Variants in KCNIP1 observed in about 807,000 individuals in gnomAD.
KCNIP1 encodes the protein potassium voltage-gated channel interacting protein 1, also known as A-type potassium channel modulatory protein KCNIP1.
KCNIP1 carries 18 observed loss-of-function variants against 33.0 expected under a neutral mutation model. The observed-to-expected ratio is 0.55, with a 90% confidence interval of 0.38 to 0.81. The LOEUF (loss-of-function observed/expected upper bound fraction) is 0.81. KCNIP1 is among the 30% of genes least tolerant of loss of function. KCNIP1 has a pLI of 0.00. For synonymous variants in KCNIP1, 93 were observed against 98.3 expected (o/e 0.95, Z 0.32); for missense variants, 238 against 271.6 (o/e 0.88, Z 0.87).
At chr5:170,731,237 G>A (rs1274589768) in intron 5 of KCNIP1, among the ~76,000 whole-genome samples, 1 of 152,162 alleles carries the variant, frequency 6.6e-6, no homozygotes, top group Non-Finnish European at 1.5e-5. Flanking sequence ...GTAACTCCCT[G>A]ATATGACGCA....
intron 1 of KCNIP1, among the ~76,000 whole-genome samples, chr5:170,637,373 A>C (rs1440004695): frequency 5.3e-5 from 8 of 151,126 alleles, no homozygotes; most frequent in Non-Finnish European, 2.9e-5. Context: ...CCTGGCCCCC[A>C]CTCTTTGAGT....
chr5:170,648,987 A>C (rs961531299), intron 1 of KCNIP1, among the ~76,000 whole-genome samples: 3 of 152,232 alleles, frequency 2.0e-5, no homozygotes, highest in Non-Finnish European at 4.4e-5. Context: ...GTAGATTGAC[A>C]AGAATTAAGA....
intron 1 of KCNIP1, among the ~76,000 whole-genome samples, chr5:170,703,601 C>T (rs1763168662): frequency 8.2e-6 from 1 of 121,282 alleles, no homozygotes; most frequent in Non-Finnish European, 1.7e-5. Context: ...AGTGAGACCC[C>T]ATCTCTACCA....
At chr5:170,600,360 C>CT (rs1421825628) in intron 1 of KCNIP1, among the ~76,000 whole-genome samples, 1 of 152,222 alleles carries the variant, frequency 6.6e-6, no homozygotes, top group Non-Finnish European at 1.5e-5. Context: ...TTTAGCACAG[C>CT]TGTTCCCTGT....
intron 1 of KCNIP1, among the ~76,000 whole-genome samples, chr5:170,649,855 C>G (rs1760965961): frequency 6.6e-6 from 1 of 151,958 alleles, no homozygotes; most frequent in South Asian, 2.1e-4. Flanking sequence ...ATGAAAAGGT[C>G]AGGAAAGGGA....
At chr5:170,664,455 G>A (rs1479377960) in intron 1 of KCNIP1, among the ~76,000 whole-genome samples, 2 of 152,112 alleles carry the variant, frequency 1.3e-5, no homozygotes, top group African/African-American at 4.8e-5. Context: ...GGAGGGTAGA[G>A]TCTGGGTCCC....
At chr5:170,505,034 T>C (rs906005660) in intron 1 of KCNIP1, among the ~76,000 whole-genome samples, 8 of 152,162 alleles carry the variant, frequency 5.3e-5, no homozygotes, top group African/African-American at 1.7e-4. Context: ...CCCACACTCC[T>C]CCTAGGCGGC....
At chr5:170,497,882 T>C (rs1757340045) in intron 1 of KCNIP1, among the ~76,000 whole-genome samples, 3 of 152,218 alleles carry the variant, frequency 2.0e-5, no homozygotes, top group South Asian at 4.1e-4. Context: ...TCAGCTCTGG[T>C]GGAGACTGTG....
At chr5:170,579,880 G>T (rs572014607) in intron 1 of KCNIP1, among the ~76,000 whole-genome samples, 13 of 151,904 alleles carry the variant, frequency 8.6e-5, no homozygotes, top group South Asian at 2.1e-4. Context: ...TGCCTGAGTG[G>T]GGGGTGGCAT....
rs6555909 is a variant in KCNIP1, at chr5:170,662,328, G to A, written c.62-56430G>A. On this transcript the variant is annotated intron_variant, in intron 1 of 7. Transcript: ENST00000328939. ...GTGCCCTGGCACTGTTGAGGGAGGAGCTACCCGGGGGAGGAATGACCCTCC... is the reference window on the plus strand; with the variant it reads ...GTGCCCTGGCACTGTTGAGGGAGGAACTACCCGGGGGAGGAATGACCCTCC... Among the ~76,000 whole-genome samples, 1,288 of 152,232 alleles carry A rather than the reference G, an allele frequency of 8.5e-3. 11 individuals are homozygous for A. Among genetic ancestry groups the A allele is most frequent in the African/African-American group, 0.029 (1,224 of 41,512 alleles).
intron 1 of KCNIP1, among the ~76,000 whole-genome samples, chr5:170,487,718 A>G (rs1441153535): frequency 6.6e-6 from 1 of 151,942 alleles, no homozygotes; most frequent in Non-Finnish European, 1.5e-5. Context: ...GACAGGGGCC[A>G]TGTTACCCAG....
At chr5:170,498,322 T>C (rs1757349531) in intron 1 of KCNIP1, among the ~76,000 whole-genome samples, 1 of 152,204 alleles carries the variant, frequency 6.6e-6, no homozygotes, top group Non-Finnish European at 1.5e-5. Flanking sequence ...CATGAGGAAA[T>C]TGAGGGGCTC....
intron 1 of KCNIP1, among the ~76,000 whole-genome samples, chr5:170,472,133 CTCCTCCT>C (rs1405743300): frequency 1.3e-5 from 2 of 152,292 alleles, no homozygotes; most frequent in East Asian, 3.9e-4. Flanking sequence ...GGACTCAATC[CTCCTCCT>C]GCTGCAGACT....
chr5:170,417,968 A>T (rs1487025018), intron 1 of KCNIP1, among the ~76,000 whole-genome samples: 1 of 152,110 alleles, frequency 6.6e-6, no homozygotes, highest in Non-Finnish European at 1.5e-5. Flanking sequence ...CCACCACAGG[A>T]GTCTTATTTT....
chr5:170,663,342 T>C (rs978468580), intron 1 of KCNIP1, among the ~76,000 whole-genome samples: 3 of 152,108 alleles, frequency 2.0e-5, no homozygotes, highest in African/African-American at 7.2e-5. Flanking sequence ...AGACAGAGGC[T>C]ACTCTCCCAC....
At chr5:170,430,456 A>G (rs1755715518) in intron 1 of KCNIP1, among the ~76,000 whole-genome samples, 1 of 152,118 alleles carries the variant, frequency 6.6e-6, no homozygotes, top group Non-Finnish European at 1.5e-5. Flanking sequence ...TCAAACTCCT[A>G]CACACCCTTC....
intron 1 of KCNIP1, among the ~76,000 whole-genome samples, chr5:170,372,302 CAG>C (rs755566887): frequency 1.1e-3 from 163 of 152,250 alleles, no homozygotes; most frequent in Non-Finnish European, 9.0e-4. Context: ...GGTGGAGGTG[CAG>C]AGTTTCCGGG....
intron 1 of KCNIP1, among the ~76,000 whole-genome samples, chr5:170,609,703 A>G (rs1759070376): frequency 1.3e-5 from 2 of 152,210 alleles, no homozygotes; most frequent in South Asian, 4.2e-4. Flanking sequence ...AAATAATACA[A>G]AAAATTAGCC....
At chr5:170,537,234 T>C (rs1360640038) in intron 1 of KCNIP1, among the ~76,000 whole-genome samples, 1 of 152,206 alleles carries the variant, frequency 6.6e-6, no homozygotes, top group Admixed American at 6.5e-5. Context: ...GCCTGGTTCC[T>C]ACAATCCCAA....
Sources: gnomAD v4.1 joint callset for allele counts (sites outside exome capture counted in the v4.1 genomes callset) on GRCh38, gnomAD v4.1.1 for gene constraint, MANE v1.5 for transcripts, NCBI Gene and HGNC (gene_info 2026-07-23, HGNC 2026-07-21) for gene names.